The following GRM5 variants were observed in gnomAD, a reference collection of about 807,000 sequenced individuals.
GRM5 encodes the protein metabotropic glutamate receptor 5.
Under a neutral mutation model 83.1 loss-of-function variants are expected in GRM5, and 19 were observed. That is an observed-to-expected ratio of 0.23 (90% confidence interval 0.16 to 0.34). The LOEUF (loss-of-function observed/expected upper bound fraction) is 0.34. GRM5 is among the 10% of genes least tolerant of loss of function. GRM5 has a pLI of 1.00. For synonymous variants in GRM5, 675 were observed against 633.6 expected, an observed-to-expected ratio of 1.07 and a Z score of -0.98; for missense variants, 1,160 against 1,588.3, an observed-to-expected ratio of 0.73 and a Z score of 4.58.
chr11:89,034,903 A>C (rs752877912), intron 2 of GRM5, among the ~76,000 whole-genome samples: 1 of 150,024 alleles, frequency 6.7e-6, no homozygotes, highest in East Asian at 1.9e-4. Context: ...GCTGTTATCA[A>C]TTTTATATAA....
chr11:88,855,703 A>G (rs1390021442), intron 2 of GRM5, among the ~76,000 whole-genome samples: 1 of 151,920 alleles, frequency 6.6e-6, no homozygotes, highest in Admixed American at 6.6e-5. Flanking sequence ...TCAGGAAATG[A>G]GTTAAGGTAC....
intron 4 of GRM5, among the ~76,000 whole-genome samples, chr11:88,647,334 C>T (rs1035359379): frequency 1.3e-5 from 2 of 150,346 alleles, no homozygotes; most frequent in African/African-American, 2.4e-5. Context: ...CAGTATAAGG[C>T]ACTCCTTAAA....
At chr11:88,727,406 A>G (rs1382079128) in intron 3 of GRM5, among the ~76,000 whole-genome samples, 1 of 152,206 alleles carries the variant, frequency 6.6e-6, no homozygotes, top group Non-Finnish European at 1.5e-5. Context: ...AGAGACCAAC[A>G]AAGAGACTTA....
chr11:88,545,229 C>G (rs1007480897), intron 8 of GRM5, among the ~76,000 whole-genome samples: 1 of 152,126 alleles, frequency 6.6e-6, no homozygotes, highest in African/African-American at 2.4e-5. Flanking sequence ...GGGCTCTGTT[C>G]TTGGTTCTTC....
intron 1 of GRM5, among the ~76,000 whole-genome samples, chr11:89,058,757 C>A (rs1941927504): frequency 5.3e-5 from 8 of 152,092 alleles, no homozygotes; most frequent in Admixed American, 5.2e-4. Flanking sequence ...CTAAGTATCA[C>A]AAATTACAAG....
At chr11:88,559,856 G>A (rs943692080) in intron 8 of GRM5, among the ~76,000 whole-genome samples, 6 of 152,136 alleles carry the variant, frequency 3.9e-5, no homozygotes, top group Non-Finnish European at 7.3e-5. Context: ...CAATTCTAAC[G>A]TGGGATGATA....
intron 2 of GRM5, among the ~76,000 whole-genome samples, chr11:88,997,278 G>T (rs1361851699): frequency 6.8e-6 from 1 of 146,702 alleles, no homozygotes; most frequent in Non-Finnish European, 1.5e-5. Flanking sequence ...ACTGAGCCAA[G>T]ATTGCGCCAC....
At chr11:88,809,511 G>A (rs922618807) in intron 3 of GRM5, among the ~76,000 whole-genome samples, 3 of 151,950 alleles carry the variant, frequency 2.0e-5, no homozygotes, top group African/African-American at 7.2e-5. Context: ...TCTTTGTAAA[G>A]ATTATTATTT....
chr11:88,655,290 C>T (rs1258048721), intron 3 of GRM5, among the ~76,000 whole-genome samples: 1 of 151,920 alleles, frequency 6.6e-6, no homozygotes, highest in African/African-American at 2.4e-5. Flanking sequence ...TCATTTTCTC[C>T]TCTGTTTTGG....
At chr11:88,835,710 A>G (rs1480426289) in intron 3 of GRM5, among the ~76,000 whole-genome samples, 1 of 152,258 alleles carries the variant, frequency 6.6e-6, no homozygotes, top group Non-Finnish European at 1.5e-5. Flanking sequence ...TATTGATACA[A>G]TTTAGCAAAT....
chr11:88,576,714 G>A (rs1420071669), intron 7 of GRM5, among the ~76,000 whole-genome samples: 1 of 152,106 alleles, frequency 6.6e-6, no homozygotes, highest in Non-Finnish European at 1.5e-5. Context: ...CCTGAAAAAG[G>A]TCAGTGAAGC....
In GRM5 at chr11:88,567,217, C is replaced by A; in HGVS notation, c.2466G>T (p.Val822=). The A allele has an allele frequency of 6.2e-7, 1 of 1,614,098 alleles. No individual in the cohort carries two copies. The highest frequency in any genetic ancestry group is 1.3e-5 in the African/African-American group (1 of 75,040). The stretch of plus-strand genomic sequence containing the variant: ...TCTCTGGTTTGGCCAGGATGATGTA[C>A]ACCTTCGGCACAAACATGCAGCCTA... ...VALGCMFVPK[V]YIILAKPERN... Residue 822 remains valine, a synonymous_variant, in exon 8 of 10, where the codon GTG becomes GTT. Transcript: ENST00000305447. This position sits in a 1 kb window ranked among gnomAD's most constrained non-coding sequence, Gnocchi z 7.3.
chr11:88,933,187 A>ATT (rs57318577), intron 2 of GRM5, among the ~76,000 whole-genome samples: 38,763 of 106,356 alleles, frequency 0.36, 8,663 homozygotes, highest in East Asian at 0.58. Flanking sequence ...TATTTGGGGC[A>ATT]TTTTTTTTTT....
intron 2 of GRM5, among the ~76,000 whole-genome samples, chr11:88,881,506 T>C (rs546903032): frequency 7.1e-5 from 10 of 141,556 alleles, no homozygotes; most frequent in African/African-American, 2.0e-4. Flanking sequence ...AAAAGCAAGT[T>C]AGTTTGGTTT....
chr11:88,716,216 T>C (rs1941397009), intron 3 of GRM5, among the ~76,000 whole-genome samples: 1 of 151,930 alleles, frequency 6.6e-6, no homozygotes. Flanking sequence ...CCCTAGGTAC[T>C]TGATAGGAAA....
chr11:88,778,067 A>C (rs1482119946), intron 3 of GRM5, among the ~76,000 whole-genome samples: 1 of 151,436 alleles, frequency 6.6e-6, no homozygotes, highest in Non-Finnish European at 1.5e-5. Flanking sequence ...ACCGAGATGG[A>C]GTCTAGAGGC....
At chr11:88,617,490 C>T (rs533053725) in intron 4 of GRM5, among the ~76,000 whole-genome samples, 1 of 152,278 alleles carries the variant, frequency 6.6e-6, no homozygotes, top group East Asian at 1.9e-4. Flanking sequence ...GCAGAAAAAG[C>T]TCCAACAGAA....
In GRM5 at chr11:89,056,005, A is replaced by T. The variant is rs190980562; in HGVS notation, c.-200-7933T>A. Among the ~76,000 whole-genome samples the T allele has an allele frequency of 5.9e-5, 9 of 152,278 alleles. No individual in the cohort carries two copies. In the East Asian group the frequency reaches 1.7e-3, roughly 29 times the overall value. ...CAGAGCCAAGAGTCACATTTAGAAC[A>T]TTTATTTAATTTTATCAGTTGCATG... is the stretch of plus-strand genomic sequence containing the variant. On this transcript the variant is annotated intron_variant, in intron 1 of 9. Coordinates refer to ENST00000305447, the MANE Select transcript of GRM5 (RefSeq NM_001143831.3).
At chr11:88,689,706 T>G (rs1031951586) in intron 3 of GRM5, among the ~76,000 whole-genome samples, 4 of 152,178 alleles carry the variant, frequency 2.6e-5, no homozygotes, top group Non-Finnish European at 5.9e-5. Flanking sequence ...CCTGCTCAGC[T>G]TTAAGGTCAC....
Sources: allele counts gnomAD v4.1 joint callset (sites outside exome capture counted in the v4.1 genomes callset), GRCh38; gene constraint gnomAD v4.1.1; non-coding constraint Gnocchi (gnomAD v3.1); transcripts MANE v1.5; gene names NCBI Gene and HGNC (gene_info 2026-07-23, HGNC 2026-07-21).